Variants in OSBPL1A observed in about 807,000 individuals in gnomAD.
The protein encoded by OSBPL1A is oxysterol-binding protein-related protein 1.
A neutral mutation model predicts 137.1 loss-of-function variants in OSBPL1A; 80 were observed. The observed-to-expected ratio is 0.58, with a 90% CI of 0.49 to 0.70. The LOEUF is 0.70. Among genes scored for constraint, OSBPL1A ranks in the 30% least tolerant of loss-of-function variants. OSBPL1A has a pLI of 0.00. For missense variants in OSBPL1A, 970 were observed against 1,129.4 expected (o/e 0.86, Z 2.02); for synonymous variants, 365 against 389.7 (o/e 0.94, Z 0.75).
intron 4 of OSBPL1A, among the ~76,000 whole-genome samples, chr18:24,361,952 G>A (rs1445837265): frequency 6.8e-6 from 1 of 147,134 alleles, no homozygotes; most frequent in Non-Finnish European, 1.5e-5. Flanking sequence ...AAGTGAGATC[G>A]TGCCACTGCA....
At chr18:24,352,399 A>C (rs545937980) in intron 4 of OSBPL1A, among the ~76,000 whole-genome samples, 2 of 152,142 alleles carry the variant, frequency 1.3e-5, no homozygotes, top group Non-Finnish European at 2.9e-5. Context: ...TTAGAAAAAT[A>C]AAACAACAAT....
chr18:24,296,051 G>A (rs1373780963), intron 14 of OSBPL1A, among the ~76,000 whole-genome samples: 1 of 152,034 alleles, frequency 6.6e-6, no homozygotes, highest in African/African-American at 2.4e-5. Context: ...AATTGTGATG[G>A]TATTTTGATG....
chr18:24,327,774 G>A (rs1283476174), intron 7 of OSBPL1A, among the ~76,000 whole-genome samples: 1 of 151,878 alleles, frequency 6.6e-6, no homozygotes, highest in African/African-American at 2.4e-5. Context: ...CAAATTAATA[G>A]CTTTAACAGG....
intron 17 of OSBPL1A, among the ~76,000 whole-genome samples, chr18:24,210,164 C>T (rs760802384): frequency 4.6e-5 from 7 of 152,256 alleles, no homozygotes; most frequent in Non-Finnish European, 7.4e-5. Context: ...CAGTGGCTCA[C>T]GCCTGTAATC....
intron 17 of OSBPL1A, among the ~76,000 whole-genome samples, chr18:24,222,911 A>G (rs778749110): frequency 6.6e-6 from 1 of 152,204 alleles, no homozygotes; most frequent in East Asian, 1.9e-4. Context: ...GTGAGGGAGA[A>G]ATGCAAGGTT....
intron 17 of OSBPL1A, among the ~76,000 whole-genome samples, chr18:24,224,293 C>A (rs2087993558): frequency 6.6e-6 from 1 of 151,866 alleles, no homozygotes; most frequent in South Asian, 2.1e-4. Flanking sequence ...AAATATTAAA[C>A]AAAAAATTAT....
At chr18:24,237,859 G>A (rs1437160107) in intron 16 of OSBPL1A, among the ~76,000 whole-genome samples, 5 of 152,014 alleles carry the variant, frequency 3.3e-5, no homozygotes, top group African/African-American at 7.2e-5. Context: ...TCATTCCATC[G>A]ATCTCAAATC....
intron 18 of OSBPL1A, among the ~76,000 whole-genome samples, chr18:24,195,384 A>T (rs2086999581): frequency 6.6e-6 from 1 of 152,230 alleles, no homozygotes; most frequent in Admixed American, 6.5e-5. Context: ...CAGGATTTCA[A>T]GCCACAGAAT....
intron 7 of OSBPL1A, among the ~76,000 whole-genome samples, chr18:24,322,042 T>A (rs1272077865): frequency 6.6e-6 from 1 of 151,392 alleles, no homozygotes; most frequent in Non-Finnish European, 1.5e-5. Flanking sequence ...AGGATACTGG[T>A]GGTTTGGACT....
intron 19 of OSBPL1A, 72 bp downstream of exon 19, chr18:24,181,073 C>G: frequency 1.3e-6 from 2 of 1,508,036 alleles, no homozygotes; most frequent in Non-Finnish European, 1.8e-6. Flanking sequence ...ATTGTGTGAA[C>G]GTGTGTGTGT....
intron 17 of OSBPL1A, among the ~76,000 whole-genome samples, chr18:24,210,019 A>G (rs1298230458): frequency 1.3e-5 from 2 of 152,266 alleles, no homozygotes; most frequent in East Asian, 3.8e-4. Context: ...TATAAAAATT[A>G]TACTGCAACC....
chr18:24,179,661 T>TAA, intron 20 of OSBPL1A, 77 bp downstream of exon 20: 2 of 1,219,406 alleles, frequency 1.6e-6, no homozygotes, highest in South Asian at 2.5e-5. Flanking sequence ...ATAATTGTTA[T>TAA]TCGTGATGAC....
At chr18:24,306,651 G>T (rs1349617133) in intron 13 of OSBPL1A, among the ~76,000 whole-genome samples, 1 of 152,122 alleles carries the variant, frequency 6.6e-6, no homozygotes, top group African/African-American at 2.4e-5. Context: ...AGAGATGGAA[G>T]TGGAGGGTAT....
chr18:24,259,823 A>T (rs1260564193), intron 15 of OSBPL1A, among the ~76,000 whole-genome samples: 1 of 152,230 alleles, frequency 6.6e-6, no homozygotes, highest in Non-Finnish European at 1.5e-5. Flanking sequence ...AAATACACCG[A>T]AAGTACAAAC....
intron 9 of OSBPL1A, 56 bp from the exon 10 acceptor site, chr18:24,317,456 G>A: frequency 7.3e-7 from 1 of 1,367,582 alleles, no homozygotes; most frequent in South Asian, 1.2e-5. Flanking sequence ...TCAAATGCTT[G>A]ACTGATAAAA....
chr18:24,371,205 G>T (rs1417105737), intron 2 of OSBPL1A, among the ~76,000 whole-genome samples: 1 of 152,130 alleles, frequency 6.6e-6, no homozygotes, highest in African/African-American at 2.4e-5. Flanking sequence ...ACAGAGCCCT[G>T]TGGATTTACA....
chr18:24,345,502 C>T (rs1452643704), intron 4 of OSBPL1A, among the ~76,000 whole-genome samples: 1 of 152,116 alleles, frequency 6.6e-6, no homozygotes, highest in Non-Finnish European at 1.5e-5. Flanking sequence ...GCCTGGCCAA[C>T]ATGGCGAAAC....
Position 24,323,427 on chromosome 18 carries a change from T to C in OSBPL1A, c.626-4618A>G, listed in dbSNP as rs1217974795. Among the ~76,000 whole-genome samples the C allele has an allele frequency of 1.3e-4, 4 of 30,714 alleles. 1 individual carries two copies. The highest frequency in any genetic ancestry group is 1.1e-3 in the African/African-American group (4 of 3,668). The allele number at this position is 30,714 out of a possible 152,430, so 20.1% of individuals were successfully genotyped here. Reference sequence around the variant, plus strand: ...AATTAGCAGAGACGGGGTTTCACCATCTTGGCCAGGCTGGTCTTGAACTCC... The same window carrying C: ...AATTAGCAGAGACGGGGTTTCACCACCTTGGCCAGGCTGGTCTTGAACTCC... On this transcript the variant is annotated intron_variant, in intron 7 of 27. Transcript: ENST00000319481.
At chr18:24,226,271 A>G (rs940520428) in intron 16 of OSBPL1A, among the ~76,000 whole-genome samples, 4 of 152,212 alleles carry the variant, frequency 2.6e-5, no homozygotes, top group Non-Finnish European at 5.9e-5. Flanking sequence ...GTTATTAACA[A>G]GCATGCTAAT....
Sources: gnomAD v4.1 joint callset for allele counts (sites outside exome capture counted in the v4.1 genomes callset) on GRCh38, gnomAD v4.1.1 for gene constraint, MANE v1.5 for transcripts, NCBI Gene and HGNC (gene_info 2026-07-23, HGNC 2026-07-21) for gene names.